ECPAS: variants seen among roughly 807,000 people sequenced by gnomAD.
The protein encoded by ECPAS is proteasome adapter and scaffold protein ECM29.
ECPAS carries 70 observed loss-of-function variants against 255.1 expected under a neutral mutation model. The observed-to-expected ratio is 0.27, with a 90% CI of 0.23 to 0.33. The LOEUF (loss-of-function observed/expected upper bound fraction) is 0.33, where lower values mean the gene tolerates loss of function less well. ECPAS is among the 10% of genes least tolerant of loss of function. ECPAS has a pLI of 1.00. For synonymous variants in ECPAS, 784 were observed against 775.0 expected (o/e 1.01, Z -0.19); for missense variants, 1,817 against 2,206.4 (o/e 0.82, Z 3.54).
chr9:111,400,562 T>C (rs905992823), intron 24 of ECPAS, among the ~76,000 whole-genome samples: 3 of 152,062 alleles, frequency 2.0e-5, no homozygotes, highest in African/African-American at 7.2e-5. Context: ...CAGAAACTTA[T>C]AAGAGAAATT....
At chr9:111,430,439 A>T (rs2098228103) in intron 9 of ECPAS, 108 bp downstream of exon 9, 3 of 738,484 alleles carry the variant, frequency 4.1e-6, no homozygotes, top group Non-Finnish European at 7.2e-6. Context: ...GCATTTTGTT[A>T]TAGCACAGAT....
intron 6 of ECPAS, among the ~76,000 whole-genome samples, chr9:111,437,588 G>C (rs917629385): frequency 6.6e-6 from 1 of 152,020 alleles, no homozygotes; most frequent in Non-Finnish European, 1.5e-5. Flanking sequence ...CCCTACATTA[G>C]AAAATCCACT....
intron 24 of ECPAS, among the ~76,000 whole-genome samples, chr9:111,402,647 A>C (rs1403348218): frequency 6.6e-6 from 1 of 152,318 alleles, no homozygotes; most frequent in East Asian, 1.9e-4. Flanking sequence ...AAAAAGATAC[A>C]AGTTGAGAAA....
chr9:111,370,365 A>T, intron 45 of ECPAS, 70 bp downstream of exon 45: 1 of 1,027,680 alleles, frequency 9.7e-7, no homozygotes, highest in South Asian at 1.7e-5. Flanking sequence ...ATCAGGACAT[A>T]GGGGAAAACA....
At chr9:111,425,186 C>CA (rs758231664) in intron 12 of ECPAS, among the ~76,000 whole-genome samples, 8,322 of 129,678 alleles carry the variant, frequency 0.064, 567 homozygotes, top group African/African-American at 0.17. Context: ...AACTCCATCT[C>CA]AAAAAAAAAA....
intron 33 of ECPAS, among the ~76,000 whole-genome samples, chr9:111,384,820 T>C (rs1308249283): frequency 6.6e-6 from 1 of 152,204 alleles, no homozygotes; most frequent in African/African-American, 2.4e-5. Flanking sequence ...CTATTAACAG[T>C]TGAGAAACTA....
At chr9:111,405,413 G>T (rs1253927439) in intron 24 of ECPAS, among the ~76,000 whole-genome samples, 13 of 149,410 alleles carry the variant, frequency 8.7e-5, no homozygotes, top group Admixed American at 8.6e-4. Flanking sequence ...AACCAAAATG[G>T]ACTTAAATCT....
intron 4 of ECPAS, among the ~76,000 whole-genome samples, chr9:111,444,162 T>C (rs912577766): frequency 2.0e-5 from 3 of 151,842 alleles, no homozygotes; most frequent in African/African-American, 2.4e-5. Context: ...CCAAAGTAAA[T>C]AGCCATTCAT....
chr9:111,451,141 T>TGGC (rs544746741), intron 3 of ECPAS, among the ~76,000 whole-genome samples: 37 of 152,322 alleles, frequency 2.4e-4, no homozygotes, highest in African/African-American at 7.9e-4. Flanking sequence ...TTGGAATCAA[T>TGGC]GGCATGGATT....
intron 23 of ECPAS, among the ~76,000 whole-genome samples, chr9:111,409,185 A>G (rs564641706): frequency 2.9e-4 from 44 of 152,310 alleles, no homozygotes; most frequent in African/African-American, 1.0e-3. Context: ...ATGTTTGGCA[A>G]TGATTAGTTA....
intron 3 of ECPAS, among the ~76,000 whole-genome samples, chr9:111,444,983 T>A (rs1445292111): frequency 6.9e-6 from 1 of 144,614 alleles, no homozygotes; most frequent in East Asian, 2.1e-4. Context: ...CGTAAGCCAC[T>A]GCTCCTGGCT....
At chr9:111,389,299 G>A (rs990552983) in intron 31 of ECPAS, among the ~76,000 whole-genome samples, 7 of 152,180 alleles carry the variant, frequency 4.6e-5, no homozygotes, top group African/African-American at 1.7e-4. Flanking sequence ...CCATTTGTGT[G>A]AATACATAAT....
At chr9:111,402,450 A>C (rs2098177648) in intron 24 of ECPAS, among the ~76,000 whole-genome samples, 1 of 152,270 alleles carries the variant, frequency 6.6e-6, no homozygotes, top group African/African-American at 2.4e-5. Context: ...AGTATTCTAA[A>C]GATACTAAAG....
intron 23 of ECPAS, among the ~76,000 whole-genome samples, 152 bp from the exon 24 acceptor site, chr9:111,408,824 T>C (rs1564524512): frequency 6.6e-6 from 1 of 152,242 alleles, no homozygotes; most frequent in Admixed American, 6.5e-5. Flanking sequence ...TACAGTCGTA[T>C]GTCTGTAAGT....
rs1236420949 is a variant in ECPAS at position 111,385,234 on chromosome 9, T to A, written c.3633+103A>T. On this transcript the variant is annotated intron_variant, in intron 33 of 49. Coordinates refer to ENST00000684092, the MANE Select transcript of ECPAS (RefSeq NM_001364929.1). ...ACTTTGGGGGAAAACGTTGGTCTCT[T>A]AAAATTATCTGGAAATGGAATTTTG... 7.3e-6 allele frequency: 5 copies of A among 684,906 alleles called. No homozygotes were observed. In the African/African-American group the frequency reaches 9.2e-5, roughly 13 times the overall value. 42.4% of individuals were successfully genotyped at this position (684,906 alleles called of 1,614,324 possible).
chr9:111,370,978 T>C (rs567959238), intron 43 of ECPAS, among the ~76,000 whole-genome samples: 12 of 152,340 alleles, frequency 7.9e-5, no homozygotes, highest in East Asian at 3.9e-4. Context: ...CTCCATTTCA[T>C]AGAAGCCTAA....
At position 111,410,172 on chromosome 9, in the gene ECPAS, C is replaced by T; in HGVS notation, c.2419G>A (p.Ala807Thr). The T allele has an allele frequency of 6.2e-7, 1 of 1,613,190 alleles. No individual in the cohort carries two copies. Among genetic ancestry groups the T allele is most frequent in the Non-Finnish European group, 8.5e-7 (1 of 1,179,618 alleles). Residue 807 changes from alanine to threonine, a missense_variant, in exon 23 of 50, where the codon GCC becomes ACC. Ala to Thr is a moderately conservative substitution (Grantham distance 58, BLOSUM62 0). This residue lies in a region of ECPAS where 194 missense variants were observed against 152.8 expected (regional missense o/e 1.27). Transcript: ENST00000684092. ...DSTSPLLAIA[A>T]CTALGEIGRN... ...CCAATTTCACCCAGGGCTGTGCAGG[C>T]AGCAATTGCCAGGAGGGGTGATGTA...
At chr9:111,454,498 A>G (rs930425898) in intron 2 of ECPAS, among the ~76,000 whole-genome samples, 1 of 152,154 alleles carries the variant, frequency 6.6e-6, no homozygotes, top group African/African-American at 2.4e-5. Context: ...AAGAAAGAGC[A>G]CCAACCACCA....
At chr9:111,414,046 A>C in intron 19 of ECPAS, 60 bp from the exon 20 acceptor site, 1 of 1,129,710 alleles carries the variant, frequency 8.9e-7, no homozygotes, top group Non-Finnish European at 1.3e-6. Context: ...TACAGGGATC[A>C]CTAAATTCCT....
Sources: gnomAD v4.1 joint callset for allele counts (sites outside exome capture counted in the v4.1 genomes callset) on GRCh38, gnomAD v4.1.1 for gene constraint, gnomAD v4.1.1 regional missense constraint, MANE v1.5 for transcripts, NCBI Gene and HGNC (gene_info 2026-07-23, HGNC 2026-07-21) for gene names.